Variants in CLIP1 observed in about 807,000 individuals in gnomAD.
The protein encoded by CLIP1 is CAP-Gly domain containing linker protein 1.
A neutral mutation model predicts 161.6 loss-of-function variants in CLIP1; 66 were observed. That is an observed-to-expected ratio of 0.41 (90% CI 0.33 to 0.50). The LOEUF (loss-of-function observed/expected upper bound fraction) is 0.50. Ranked by LOEUF, CLIP1 falls within the 20% of genes least tolerant of loss-of-function variation. The pLI is 0.27. For synonymous variants in CLIP1, 598 were observed against 626.2 expected, an observed-to-expected ratio of 0.96 and a Z score of 0.67; for missense variants, 1,376 against 1,702.0, an observed-to-expected ratio of 0.81 and a Z score of 3.37.
intron 21 of CLIP1, among the ~76,000 whole-genome samples, chr12:122,286,407 C>T (rs992458649): frequency 7.6e-4 from 114 of 149,956 alleles, no homozygotes; most frequent in African/African-American, 2.7e-3. Flanking sequence ...ATACCAGTTA[C>T]TTGGGAGGCT....
chr12:122,286,714 T>A (rs6488906), intron 21 of CLIP1, among the ~76,000 whole-genome samples: 35,738 of 150,426 alleles, frequency 0.24, 5,077 homozygotes, highest in East Asian at 0.63. Context: ...AAAAAATTTT[T>A]AAAGCCGGGT....
chr12:122,332,664 G>A (rs1419496050), intron 15 of CLIP1, among the ~76,000 whole-genome samples: 1 of 151,982 alleles, frequency 6.6e-6, no homozygotes, highest in African/African-American at 2.4e-5. Flanking sequence ...CAAGTGATCC[G>A]CCCACCTCGG....
intron 1 of CLIP1, among the ~76,000 whole-genome samples, chr12:122,415,932 G>A (rs1466601073): frequency 6.6e-6 from 1 of 151,966 alleles, no homozygotes; most frequent in Non-Finnish European, 1.5e-5. Context: ...AAGTTATCAG[G>A]CCTCCCAAAG....
chr12:122,410,894 C>T (rs12819355), intron 1 of CLIP1, among the ~76,000 whole-genome samples: 61,205 of 152,028 alleles, frequency 0.4, 14,941 homozygotes, highest in Non-Finnish European at 0.52. Flanking sequence ...ATCAAAATCA[C>T]GATGAGATAC....
Position 122,361,173 on chromosome 12 carries a change from T to C in CLIP1, c.791A>G (p.Gln264Arg). 1.2e-6 allele frequency: 2 copies of C among 1,611,424 alleles called. No individual in the cohort carries two copies. The highest frequency in any genetic ancestry group is 1.3e-5 in the African/African-American group (1 of 74,970). ...DGAVAGTRYF[Q>R]CQPKYGLFAP... ...GAACAAGCCATATTTGGGTTGACAC[T>C]GAAAATACCTTTAGAGAACAATAAG... is the stretch of plus-strand genomic sequence containing the variant. Residue 264 changes from glutamine to arginine, a missense_variant, in exon 5 of 26, where the codon CAG becomes CGG. Physicochemically the swap from Gln to Arg is conservative, Grantham distance 43. Around this residue, in one of 6 missense-constraint regions of CLIP1, gnomAD observed 211 missense variants for 295.1 expected, o/e 0.72. Transcript: ENST00000620786.
Position 122,377,588 on chromosome 12 carries a change from G to A in CLIP1, c.458C>T (p.Thr153Met), listed in dbSNP as rs774785991. ...GGGGGAGGAAGACACCATGCTGGCC[G>A]TAGAAGTGCACAGCGGTGAAGTAGC... ...SRATSPLCTSTASMVSSSPST... is the reference protein window; with the variant it reads ...SRATSPLCTSMASMVSSSPST... The change falls in exon 3 of 26, where the codon ACG becomes ATG. Residue 153 changes from threonine to methionine, a missense_variant. By Grantham distance (81) the Thr-to-Met change is moderately conservative. Coordinates refer to ENST00000620786, the MANE Select transcript of CLIP1 (RefSeq NM_001247997.2). 112 of 1,613,844 alleles carry A rather than the reference G, an allele frequency of 6.9e-5. No homozygotes were observed. Among genetic ancestry groups the A allele is most frequent in the Non-Finnish European group, 8.6e-5 (101 of 1,180,024 alleles).
chr12:122,288,859 A>AGG (rs1566079398), intron 20 of CLIP1, among the ~76,000 whole-genome samples: 2 of 127,974 alleles, frequency 1.6e-5, no homozygotes, highest in South Asian at 2.4e-4. Flanking sequence ...TCTGTCGCCC[A>AGG]GGCTGGAGTG....
intron 1 of CLIP1, among the ~76,000 whole-genome samples, chr12:122,422,039 G>A (rs1393971421): frequency 6.6e-6 from 1 of 152,226 alleles, no homozygotes; most frequent in Non-Finnish European, 1.5e-5. Flanking sequence ...CTCCATGCCG[G>A]ATCGCGGGCG....
At position 122,415,771 on chromosome 12, in the gene CLIP1, A is replaced by G. The variant is rs1396748137; in HGVS notation, c.-107+6750T>C. ...GAGGCAGAGGTTGCAGTGAGCTAAG[A>G]TCGTGCCACTGCACTCCAGCTTGAG... is the stretch of plus-strand genomic sequence containing the variant. On this transcript the variant is annotated intron_variant, in intron 1 of 25. Coordinates refer to ENST00000620786, the MANE Select transcript of CLIP1 (RefSeq NM_001247997.2). 4.0e-5 allele frequency among the ~76,000 whole-genome samples: 6 copies of G among 151,688 alleles called. No homozygotes were observed. In the East Asian group the frequency reaches 9.7e-4, roughly 24 times the overall value.
intron 20 of CLIP1, among the ~76,000 whole-genome samples, chr12:122,304,847 T>C (rs1232361288): frequency 6.6e-6 from 1 of 152,206 alleles, no homozygotes. Flanking sequence ...AAAATTATGA[T>C]GGCTGATAAC....
intron 1 of CLIP1, among the ~76,000 whole-genome samples, chr12:122,412,967 A>G (rs1956597327): frequency 6.6e-6 from 1 of 152,202 alleles, no homozygotes; most frequent in African/African-American, 2.4e-5. Flanking sequence ...TATCCCTTTC[A>G]ACAGAAACTA....
intron 18 of CLIP1, among the ~76,000 whole-genome samples, chr12:122,318,902 T>C (rs1465291052): frequency 2.0e-5 from 3 of 152,200 alleles, no homozygotes; most frequent in South Asian, 4.2e-4. Flanking sequence ...TGGCTCAAAG[T>C]TGGGAAAGAG....
intron 21 of CLIP1, among the ~76,000 whole-genome samples, chr12:122,283,178 A>G (rs1189947437): frequency 6.6e-6 from 1 of 152,182 alleles, no homozygotes; most frequent in Non-Finnish European, 1.5e-5. Flanking sequence ...CAGGCTTCAG[A>G]GGCACAGATG....
intron 20 of CLIP1, among the ~76,000 whole-genome samples, chr12:122,307,391 G>A (rs567286291): frequency 2.0e-5 from 3 of 152,032 alleles, no homozygotes; most frequent in Non-Finnish European, 4.4e-5. Context: ...TGAAATAATG[G>A]TAAAGCAATC....
intron 4 of CLIP1, among the ~76,000 whole-genome samples, chr12:122,363,170 T>C (rs993824006): frequency 6.6e-6 from 1 of 152,154 alleles, no homozygotes; most frequent in African/African-American, 2.4e-5. Flanking sequence ...TCTGTGTGCA[T>C]TACTGTACTC....
At chr12:122,416,878 C>T (rs1028231424) in intron 1 of CLIP1, among the ~76,000 whole-genome samples, 1 of 148,422 alleles carries the variant, frequency 6.7e-6, no homozygotes, top group African/African-American at 2.5e-5. Context: ...CCAGCCTGGG[C>T]AACAAGAGCG....
intron 4 of CLIP1, among the ~76,000 whole-genome samples, chr12:122,363,393 G>A (rs575122573): frequency 6.6e-6 from 1 of 152,090 alleles, no homozygotes; most frequent in East Asian, 1.9e-4. Context: ...TTGGGAGGCT[G>A]AGGCAGGAGA....
At position 122,272,900 on chromosome 12, in the gene CLIP1, T is replaced by G. The variant is rs1174053548; in HGVS notation, c.4292A>C (p.Asn1431Thr). 1.2e-6 allele frequency: 2 copies of G among 1,614,198 alleles called. No individual in the cohort carries two copies. The highest frequency in any genetic ancestry group is 3.3e-5 in the Admixed American group (2 of 60,020). ...ICEMFGHWAT[N>T]CNDDETF ...TCAGAAGGTTTCGTCGTCATTGCAG[T>G]TGGTGGCCCAGTGTCCAAACATCTC... The change falls in exon 26 of 26, where the codon AAC (asparagine) becomes ACC (threonine). Residue 1431 changes from asparagine (N) to threonine (T), a missense_variant. Asn to Thr is a moderately conservative substitution (Grantham distance 65, BLOSUM62 0). Coordinates refer to ENST00000620786, the MANE Select transcript of CLIP1 (RefSeq NM_001247997.2).
chr12:122,397,727 C>T (rs939218358), intron 1 of CLIP1, among the ~76,000 whole-genome samples: 10 of 151,032 alleles, frequency 6.6e-5, no homozygotes, highest in Non-Finnish European at 1.0e-4. Flanking sequence ...GGAGGCAGTC[C>T]GATCACAAGG....
Sources: allele counts gnomAD v4.1 joint callset (sites outside exome capture counted in the v4.1 genomes callset), GRCh38; gene constraint gnomAD v4.1.1; regional missense constraint gnomAD v4.1.1; transcripts MANE v1.5; gene names NCBI Gene and HGNC (gene_info 2026-07-23, HGNC 2026-07-21).